Variants in CD109 observed in about 807,000 individuals in gnomAD.
The protein encoded by CD109 is CD109 molecule.
A neutral mutation model predicts 165.8 loss-of-function variants in CD109; 149 were observed. The ratio of observed to expected loss-of-function variants is 0.90; its 90% confidence interval spans 0.79 to 1.03. The LOEUF (loss-of-function observed/expected upper bound fraction) is 1.03. Among genes scored for constraint, CD109 ranks in the 50% least tolerant of loss-of-function variants. CD109 has a pLI of 0.00. For synonymous variants in CD109, 585 were observed against 592.1 expected, an observed-to-expected ratio of 0.99 and a Z score of 0.18; for missense variants, 1,712 against 1,677.8, an observed-to-expected ratio of 1.02 and a Z score of -0.36.
At chr6:73,682,586 T>C in the CD109 span, among the ~76,000 whole-genome samples, 2 of 152,232 alleles carry the variant, frequency 1.3e-5, no homozygotes, top group Non-Finnish European at 2.9e-5. Flanking sequence ...TTCTGGGGTC[T>C]GGAGGACGTG....
chr6:73,799,845 A>G (rs370447993), intron 23 of CD109, among the ~76,000 whole-genome samples: 4,483 of 119,816 alleles, frequency 0.037, 234 homozygotes, highest in African/African-American at 0.14. Context: ...ATGTTTTCTC[A>G]TTTCCCCCCG....
At chr6:73,742,415 A>G (rs544782485) in intron 5 of CD109, among the ~76,000 whole-genome samples, 3 of 152,318 alleles carry the variant, frequency 2.0e-5, no homozygotes, top group Admixed American at 6.5e-5. Flanking sequence ...TTTTGCATCT[A>G]TGATTTAAAA....
intron 15 of CD109, among the ~76,000 whole-genome samples, chr6:73,779,731 G>A (rs1774404497): frequency 6.6e-6 from 1 of 151,838 alleles, no homozygotes; most frequent in Non-Finnish European, 1.5e-5. Flanking sequence ...GTCCTTTTGT[G>A]TATATACCTA....
At chr6:73,778,110 T>C (rs879880626) in intron 15 of CD109, among the ~76,000 whole-genome samples, 1 of 152,194 alleles carries the variant, frequency 6.6e-6, no homozygotes, top group Non-Finnish European at 1.5e-5. Flanking sequence ...GTTCTCCTTG[T>C]AGAGATCTTT....
At chr6:73,759,348 T>A (rs2150218747) in intron 7 of CD109, among the ~76,000 whole-genome samples, 1 of 152,036 alleles carries the variant, frequency 6.6e-6, no homozygotes, top group South Asian at 2.1e-4. Context: ...GGCTAATTTT[T>A]TTTCCTTTAT....
At chr6:73,766,204 T>A in intron 11 of CD109, 50 bp downstream of exon 11, 1 of 1,431,742 alleles carries the variant, frequency 7.0e-7, no homozygotes, top group Non-Finnish European at 9.8e-7. Flanking sequence ...CCATTACAGT[T>A]GTAATCTTGT....
chr6:73,790,961 A>T (rs73460368), intron 22 of CD109, among the ~76,000 whole-genome samples: 5,470 of 151,730 alleles, frequency 0.036, 321 homozygotes, highest in African/African-American at 0.12. Context: ...ACTGAAGAAA[A>T]CATTTTAATT....
intron 2 of CD109, among the ~76,000 whole-genome samples, chr6:73,713,748 C>T (rs1395943016): frequency 6.6e-6 from 1 of 152,212 alleles, no homozygotes; most frequent in East Asian, 1.9e-4. Context: ...AACACTTCTA[C>T]TATGAAATGA....
At chr6:73,764,731 G>T (rs1017238577) in intron 10 of CD109, among the ~76,000 whole-genome samples, 2 of 151,476 alleles carry the variant, frequency 1.3e-5, no homozygotes, top group African/African-American at 2.4e-5. Context: ...CAGAAGAATC[G>T]CTTGAACCCG....
rs1356682550 is a variant in CD109 at position 73,783,798 on chromosome 6, C to G, written c.2197C>G (p.Leu733Val). ...TGFVISEDLG[L>V]GLTTTPVELQ... ...TTTTGTGATCTCTGAGGACCTGGGT[C>G]TTGGACTAACAACTACTCCAGTGGA... Residue 733 changes from leucine (L) to valine (V), a missense_variant, in exon 19 of 33, where the codon CTT becomes GTT. Physicochemically the swap from Leu to Val is conservative, Grantham distance 32. Coordinates refer to ENST00000287097, the MANE Select transcript of CD109 (RefSeq NM_133493.5). The G allele has an allele frequency of 6.2e-7, 1 of 1,606,014 alleles. No homozygotes were observed. Among genetic ancestry groups the G allele is most frequent in the East Asian group, 2.2e-5 (1 of 44,776 alleles).
rs533991958 is a variant in CD109, at chr6:73,714,945, A to G, written c.248-8306A>G. Among the ~76,000 whole-genome samples, 4 of 152,336 alleles carry G rather than the reference A, an allele frequency of 2.6e-5. No homozygotes were observed. In the South Asian group the frequency reaches 8.3e-4, roughly 32 times the overall value. ...AGTGGAACTTTTACTATAATCAAAG[A>G]TATGTATAATGAAAACAATGGTGAG... is the stretch of plus-strand genomic sequence containing the variant. On this transcript the variant is annotated intron_variant, in intron 2 of 32. Coordinates refer to ENST00000287097, the MANE Select transcript of CD109 (RefSeq NM_133493.5).
At chr6:73,758,884 T>C (rs969627334) in intron 6 of CD109, 60 bp from the exon 7 acceptor site, 44 of 858,518 alleles carry the variant, frequency 5.1e-5, no homozygotes, top group African/African-American at 1.0e-4. Context: ...TTTAAAAGAT[T>C]TACCCTTGCT....
At chr6:73,787,177 G>A (rs1774728065) in intron 20 of CD109, 57 bp from the exon 21 acceptor site, 6 of 1,099,450 alleles carry the variant, frequency 5.5e-6, no homozygotes, top group Non-Finnish European at 8.0e-6. Flanking sequence ...TGATAAAAGA[G>A]CACTTTACTG....
intron 2 of CD109, chr6:73,723,043 T>G: frequency 1.2e-6 from 1 of 816,176 alleles, no homozygotes; most frequent in Non-Finnish European, 1.5e-6. Context: ...ACTGATACCC[T>G]TTTAATCCTG....
chr6:73,817,994 C>T (rs1209156207), intron 30 of CD109, among the ~76,000 whole-genome samples: 2 of 152,148 alleles, frequency 1.3e-5, no homozygotes, highest in Non-Finnish European at 2.9e-5. Context: ...GCCTGGCTTT[C>T]AGCTTGCAAG....
chr6:73,792,899 G>T, intron 23 of CD109, 97 bp downstream of exon 23: 1 of 912,948 alleles, frequency 1.1e-6, no homozygotes, highest in Non-Finnish European at 1.6e-6. Flanking sequence ...GATGGATTTT[G>T]TCTTAGGTAA....
In CD109 at chr6:73,810,029, C is replaced by G. The variant is rs778268871; in HGVS notation, c.3401C>G (p.Ser1134Cys). 4.4e-6 allele frequency: 7 copies of G among 1,600,918 alleles called. No individual in the cohort carries two copies. The African/African-American group carries it at 6.8e-5, about 15-fold the overall frequency. ...TCATCAGAGTCCAAACTTTCTGACT[C>G]CTGGCAGCCACGCTCCCTGGATATT... ...WVSSESKLSD[S>C]WQPRSLDIEV... Residue 1134 changes from serine to cysteine, a missense_variant, in exon 27 of 33, where the codon TCC becomes TGC. Ser to Cys is a moderately radical substitution (Grantham distance 112). Coordinates refer to ENST00000287097, the MANE Select transcript of CD109 (RefSeq NM_133493.5).
chr6:73,700,790 GTTTTTTTTTTTTTTT>G (rs58140668), intron 2 of CD109, among the ~76,000 whole-genome samples: 15 of 51,448 alleles, frequency 2.9e-4, no homozygotes, highest in Non-Finnish European at 4.0e-4. Flanking sequence ...ATTGATTGTA[GTTTTTTTTTTTTTTT>G]TTTTTTTTTT....
upstream of CD109, chr6:73,695,937 G>A: frequency 2.3e-6 from 1 of 437,250 alleles, no homozygotes; most frequent in South Asian, 2.2e-5. Context: ...CGCCGGGCCA[G>A]GTGGGGCCGC....
Sources: allele counts gnomAD v4.1 joint callset (sites outside exome capture counted in the v4.1 genomes callset), GRCh38; gene constraint gnomAD v4.1.1; transcripts MANE v1.5; gene names NCBI Gene and HGNC (gene_info 2026-07-23, HGNC 2026-07-21).